Variants in UBXN2A observed in about 807,000 individuals in gnomAD.
UBXN2A encodes UBX domain-containing protein 2A.
UBXN2A carries 28 observed loss-of-function variants against 28.4 expected under a neutral mutation model. That is an observed-to-expected ratio of 0.99 (90% CI 0.73 to 1.35). The LOEUF is 1.35. UBXN2A is among the 40% of genes most tolerant of loss of function. UBXN2A has a pLI of 0.00. For synonymous variants in UBXN2A, 97 were observed against 103.6 expected (o/e 0.94, Z 0.39); for missense variants, 253 against 297.9 (o/e 0.85, Z 1.11).
chr2:23,930,697 TATAAATTAAA>T (rs1329884229), intron 1 of UBXN2A, among the ~76,000 whole-genome samples: 1 of 152,074 alleles, frequency 6.6e-6, no homozygotes, highest in Non-Finnish European at 1.5e-5. Context: ...ACCCCATCTC[TATAAATTAAA>T]ATAAAATTTT....
At chr2:23,986,469 A>G (rs532806730) in intron 6 of UBXN2A, among the ~76,000 whole-genome samples, 2 of 152,252 alleles carry the variant, frequency 1.3e-5, no homozygotes, top group African/African-American at 4.8e-5. Flanking sequence ...CATTATATGC[A>G]TATCCTTCTG....
At chr2:23,952,505 C>T (rs979897438) in intron 1 of UBXN2A, among the ~76,000 whole-genome samples, 5 of 151,988 alleles carry the variant, frequency 3.3e-5, no homozygotes, top group Middle Eastern at 3.2e-3. Flanking sequence ...AGTGCAATGG[C>T]GCGATGTCAG....
intron 3 of UBXN2A, among the ~76,000 whole-genome samples, chr2:23,972,863 A>T (rs1356580001): frequency 6.6e-6 from 1 of 152,098 alleles, no homozygotes; most frequent in South Asian, 2.1e-4. Context: ...TATATCTCAA[A>T]CCTTGAATAC....
intron 2 of UBXN2A, among the ~76,000 whole-genome samples, chr2:23,960,482 A>C (rs577319057): frequency 2.6e-5 from 4 of 152,304 alleles, no homozygotes; most frequent in African/African-American, 9.6e-5. Context: ...CATTCACTTA[A>C]AATATATAGT....
At chr2:23,989,047 T>C (rs941829160) in intron 6 of UBXN2A, among the ~76,000 whole-genome samples, 2 of 152,312 alleles carry the variant, frequency 1.3e-5, no homozygotes, top group Admixed American at 1.3e-4. Flanking sequence ...GATATGCTTA[T>C]TGCTTATCAG....
chr2:23,997,385 A>G (rs1708580715), intron 6 of UBXN2A, among the ~76,000 whole-genome samples: 1 of 152,222 alleles, frequency 6.6e-6, no homozygotes, highest in African/African-American at 2.4e-5. Context: ...AATTTACATA[A>G]GCACATCTGA....
At chr2:23,932,530 A>G in intron 1 of UBXN2A, among the ~76,000 whole-genome samples, 1 of 151,360 alleles carries the variant, frequency 6.6e-6, no homozygotes, top group East Asian at 1.9e-4. Flanking sequence ...CAACACTGAC[A>G]CTAAGAGTGG....
At position 23,971,429 on chromosome 2, in the gene UBXN2A, A is replaced by G. The variant is rs970549965; in HGVS notation, c.180+15A>G. 1 of 1,515,164 alleles carries G rather than the reference A, an allele frequency of 6.6e-7. No homozygotes were observed. The highest frequency in any genetic ancestry group is 8.9e-7 in the Non-Finnish European group (1 of 1,121,502). The allele number at this position is 1,515,164 out of a possible 1,614,324, so 93.9% of individuals were successfully genotyped here. On this transcript the variant is annotated intron_variant, in intron 3 of 6. Transcript: ENST00000309033. The stretch of plus-strand genomic sequence containing the variant: ...AGAAGAAACAGGTAAATAAATGTCT[A>G]TTACTTTTCTTTTTCTTTCAGTGTT...
chr2:23,950,274 A>C (rs990447767), intron 1 of UBXN2A, among the ~76,000 whole-genome samples: 1 of 152,224 alleles, frequency 6.6e-6, no homozygotes, highest in African/African-American at 2.4e-5. Flanking sequence ...CTTAAAGGAT[A>C]GTTAGGATTT....
chr2:23,973,821 G>C (rs765625755), intron 3 of UBXN2A, among the ~76,000 whole-genome samples: 3 of 151,256 alleles, frequency 2.0e-5, no homozygotes, highest in Middle Eastern at 3.4e-3. Flanking sequence ...TAGTTGAGAC[G>C]GGGTTTCACC....
At position 23,964,287 on chromosome 2, in the gene UBXN2A, C is replaced by T. The variant is rs550355044; in HGVS notation, c.41+5932C>T. On this transcript the variant is annotated intron_variant, in intron 2 of 6. Transcript: ENST00000309033. ...GTGCAATGGCACAATCTCGGCTCAC[C>T]ACAACCTCTGCCTCCCAGGTTCAAG... 8.9e-4 allele frequency among the ~76,000 whole-genome samples: 135 copies of T among 152,082 alleles called. 2 individuals carry two copies. Among genetic ancestry groups the T allele is most frequent in the African/African-American group, 1.8e-3 (75 of 41,512 alleles).
chr2:23,941,789 A>G (rs562993990), intron 1 of UBXN2A, among the ~76,000 whole-genome samples: 1 of 152,266 alleles, frequency 6.6e-6, no homozygotes, highest in African/African-American at 2.4e-5. Context: ...GCAAATAATC[A>G]GGGCCCGGAG....
chr2:23,970,812 A>T (rs1028990635), intron 2 of UBXN2A, among the ~76,000 whole-genome samples: 1 of 151,918 alleles, frequency 6.6e-6, no homozygotes, highest in East Asian at 1.9e-4. Flanking sequence ...CCTGCAACCT[A>T]TATCCCTTGG....
chr2:23,975,127 C>G (rs1707600619), intron 3 of UBXN2A, among the ~76,000 whole-genome samples: 1 of 152,006 alleles, frequency 6.6e-6, no homozygotes, highest in Admixed American at 6.6e-5. Flanking sequence ...TCTGCATAAT[C>G]AAGAAAACCA....
At chr2:23,929,415 A>T (rs1418905183) in intron 1 of UBXN2A, among the ~76,000 whole-genome samples, 2 of 144,798 alleles carry the variant, frequency 1.4e-5, no homozygotes, top group African/African-American at 5.1e-5. Flanking sequence ...AAAATATTTA[A>T]AAAAAAAAAA....
chr2:23,927,778 G>T (rs574343886), intron 1 of UBXN2A, among the ~76,000 whole-genome samples: 2 of 151,396 alleles, frequency 1.3e-5, no homozygotes, highest in East Asian at 2.0e-4. Flanking sequence ...CCCTGCCCCC[G>T]GCCCGCTGAA....
intron 1 of UBXN2A, among the ~76,000 whole-genome samples, chr2:23,928,356 ACT>A (rs1705207454): frequency 3.3e-5 from 5 of 152,128 alleles, no homozygotes; most frequent in Admixed American, 2.0e-4. Context: ...CGGGCGGATC[ACT>A]TGAGGTCAGG....
At chr2:23,996,139 T>C (rs1271033601) in intron 6 of UBXN2A, among the ~76,000 whole-genome samples, 1 of 150,802 alleles carries the variant, frequency 6.6e-6, no homozygotes, top group Non-Finnish European at 1.5e-5. Context: ...TGATCTCGGC[T>C]CACTGCAACC....
intron 6 of UBXN2A, chr2:23,997,094 C>CT (rs1443871001): frequency 7.9e-5 from 12 of 152,128 alleles, no homozygotes; most frequent in Non-Finnish European, 1.6e-4. Flanking sequence ...GTGCTGTTTT[C>CT]TTTTTTATTT....
Sources: allele counts gnomAD v4.1 joint callset (sites outside exome capture counted in the v4.1 genomes callset), GRCh38; gene constraint gnomAD v4.1.1; transcripts MANE v1.5; gene names NCBI Gene and HGNC (gene_info 2026-07-23, HGNC 2026-07-21).